CTDSPL2: variants seen among roughly 807,000 people sequenced by gnomAD.
The protein encoded by CTDSPL2 is CTD small phosphatase-like protein 2.
A neutral mutation model predicts 60.0 loss-of-function variants in CTDSPL2; 5 were observed. That is an observed-to-expected ratio of 0.08 (90% CI 0.04 to 0.18). The LOEUF is 0.18. Ranked by LOEUF, CTDSPL2 falls within the 10% of genes least tolerant of loss-of-function variation. The probability of loss-of-function intolerance (pLI) is 1.00; values close to 1 mark genes in which losing one functional copy is unlikely to be tolerated. For synonymous variants in CTDSPL2, 186 were observed against 189.3 expected (o/e 0.98, Z 0.14); for missense variants, 370 against 548.8 (o/e 0.67, Z 3.26).
At chr15:44,499,137 C>T (rs959218808) in intron 7 of CTDSPL2, among the ~76,000 whole-genome samples, 20 of 152,122 alleles carry the variant, frequency 1.3e-4, no homozygotes, top group African/African-American at 3.9e-4. Flanking sequence ...TTGCCAGGCA[C>T]GGTGGCTCAC....
intron 8 of CTDSPL2, among the ~76,000 whole-genome samples, chr15:44,510,284 C>T (rs1390808768): frequency 1.3e-5 from 2 of 152,154 alleles, no homozygotes; most frequent in African/African-American, 4.8e-5. Context: ...AGGCGTGAGC[C>T]ACCATGCCTG....
chr15:44,476,356 G>A (rs2080915984), intron 2 of CTDSPL2, among the ~76,000 whole-genome samples: 1 of 152,114 alleles, frequency 6.6e-6, no homozygotes, highest in East Asian at 1.9e-4. Flanking sequence ...GCGAGCCACT[G>A]CACCCGGCCA....
intron 12 of CTDSPL2, among the ~76,000 whole-genome samples, chr15:44,522,701 C>T (rs551710892): frequency 5.3e-5 from 8 of 152,066 alleles, no homozygotes; most frequent in African/African-American, 1.4e-4. Context: ...TGCAGTGAGC[C>T]GAGATTGCAC....
rs78190260 is a variant in CTDSPL2, at chr15:44,434,140, G to A, written c.-25+6368G>A. Among the ~76,000 whole-genome samples, 34 of 151,726 alleles carry A rather than the reference G, an allele frequency of 2.2e-4. No homozygotes were observed. In the South Asian group the frequency reaches 5.4e-3, roughly 24 times the overall value. Reference sequence around the variant, plus strand: ...GTCTTGACTGGGCGTGGTGGCTCACGCTTGTAATCCCAGCACTTTGGGAGG... The same window carrying A: ...GTCTTGACTGGGCGTGGTGGCTCACACTTGTAATCCCAGCACTTTGGGAGG... On this transcript the variant is annotated intron_variant, in intron 1 of 12. Transcript: ENST00000260327.
intron 2 of CTDSPL2, among the ~76,000 whole-genome samples, chr15:44,481,570 G>GTATTTT (rs1159130394): frequency 1.3e-5 from 2 of 152,046 alleles, no homozygotes; most frequent in African/African-American, 2.4e-5. Flanking sequence ...CCTTTCACCT[G>GTATTTT]TATTTTTATT....
intron 8 of CTDSPL2, among the ~76,000 whole-genome samples, chr15:44,508,150 A>G (rs2081503689): frequency 6.6e-6 from 1 of 151,194 alleles, no homozygotes; most frequent in South Asian, 2.1e-4. Context: ...TGACATGATC[A>G]CATCTCACTG....
intron 8 of CTDSPL2, chr15:44,503,942 T>C (rs1417236126): frequency 6.6e-6 from 1 of 152,212 alleles, no homozygotes; most frequent in Non-Finnish European, 1.5e-5. Flanking sequence ...ATGGGAAAAG[T>C]TGGGGGAAGA....
intron 2 of CTDSPL2, among the ~76,000 whole-genome samples, chr15:44,467,370 A>C (rs1741040803): frequency 6.6e-6 from 1 of 152,166 alleles, no homozygotes; most frequent in Non-Finnish European, 1.5e-5. Flanking sequence ...CAGTGGTGAG[A>C]ACAACACCCT....
At chr15:44,511,711 T>C (rs1385843262) in intron 8 of CTDSPL2, among the ~76,000 whole-genome samples, 1 of 151,268 alleles carries the variant, frequency 6.6e-6, no homozygotes, top group Non-Finnish European at 1.5e-5. Flanking sequence ...CTATTAAAAA[T>C]ACAAAAATGA....
rs68063380 is a variant in CTDSPL2 at position 44,511,867 on chromosome 15, CAAAA to C, written c.970-2709_970-2706del. ...TGGGCAGCAGAATGAGACGGTCTCGCAAAAAAAAAAAAAAAAAAAAAAAAAGAAA... is the reference window on the plus strand; with the variant it reads ...TGGGCAGCAGAATGAGACGGTCTCGCAAAAAAAAAAAAAAAAAAAAAGAAA... On this transcript the variant is annotated intron_variant, in intron 8 of 12. Transcript: ENST00000260327. Among the ~76,000 whole-genome samples the C allele has an allele frequency of 1.9e-3, 58 of 30,608 alleles. No individual in the cohort carries two copies. The South Asian group carries it at 0.074, about 39-fold the overall frequency. 20.1% of individuals were successfully genotyped at this position (30,608 alleles called of 152,430 possible).
At chr15:44,440,319 C>T (rs543759207) in intron 1 of CTDSPL2, among the ~76,000 whole-genome samples, 16 of 151,662 alleles carry the variant, frequency 1.1e-4, no homozygotes, top group African/African-American at 3.6e-4. Flanking sequence ...CCTCAGCCTC[C>T]GGAGTAGCTG....
chr15:44,511,507 T>A (rs2081564433), intron 8 of CTDSPL2, among the ~76,000 whole-genome samples: 1 of 152,172 alleles, frequency 6.6e-6, no homozygotes, highest in Non-Finnish European at 1.5e-5. Flanking sequence ...AAAGAGGCCC[T>A]GCTTATCTTA....
At chr15:44,485,748 C>G (rs1485162926) in intron 3 of CTDSPL2, among the ~76,000 whole-genome samples, 1 of 152,154 alleles carries the variant, frequency 6.6e-6, no homozygotes, top group African/African-American at 2.4e-5. Context: ...GCAGCAATTT[C>G]TCCCCTTGTC....
chr15:44,520,113 T>A (rs1470907278), intron 11 of CTDSPL2: 3 of 151,698 alleles, frequency 2.0e-5, no homozygotes, highest in Non-Finnish European at 4.4e-5. Context: ...ATTATGAATA[T>A]GTCCATGTGA....
intron 1 of CTDSPL2, among the ~76,000 whole-genome samples, chr15:44,435,866 CAA>C (rs2079970793): frequency 6.6e-6 from 1 of 152,064 alleles, no homozygotes; most frequent in Non-Finnish European, 1.5e-5. Flanking sequence ...CTCGGCCTCC[CAA>C]AGTGCTGGGA....
At chr15:44,512,711 A>AATT (rs1041773330) in intron 8 of CTDSPL2, among the ~76,000 whole-genome samples, 1 of 152,238 alleles carries the variant, frequency 6.6e-6, no homozygotes, top group African/African-American at 2.4e-5. Context: ...CCTCATCCTA[A>AATT]ACGATGGTGA....
rs969453097 is a variant in CTDSPL2, at chr15:44,526,323, T to C, written c.*2149T>C. Reference sequence around the variant, plus strand: ...ATTGCTGAAAGATTTCCTGATTTAGTGCATTCTCAAAAGGGCTTTCCCATA... The same window carrying C: ...ATTGCTGAAAGATTTCCTGATTTAGCGCATTCTCAAAAGGGCTTTCCCATA... On this transcript the variant is annotated 3_prime_UTR_variant, in exon 13 of 13. Coordinates refer to ENST00000260327, the MANE Select transcript of CTDSPL2 (RefSeq NM_016396.3). The C allele has an allele frequency of 1.3e-5, 2 of 152,158 alleles. No individual in the cohort carries two copies. Among genetic ancestry groups the C allele is most frequent in the African/African-American group, 4.8e-5 (2 of 41,464 alleles). 9.4% of individuals were successfully genotyped at this position (152,158 alleles called of 1,614,324 possible).
At chr15:44,448,271 G>A in intron 1 of CTDSPL2, 1 of 285,804 alleles carries the variant, frequency 3.5e-6, no homozygotes, top group Non-Finnish European at 7.1e-6. Context: ...TTGCCTGTGT[G>A]CTGGATGCTA....
In CTDSPL2 at chr15:44,500,233, A is replaced by T. The variant is rs552707208; in HGVS notation, c.969+420A>T. 2.6e-5 allele frequency among the ~76,000 whole-genome samples: 4 copies of T among 152,338 alleles called. No homozygotes were observed. In the East Asian group the frequency reaches 5.8e-4, roughly 22 times the overall value. Reference sequence around the variant, plus strand: ...CTATAGTAGTAATGTGGTCTGTGAAAATTACACTTTAGTACATCTCTTTTA... The same window carrying T: ...CTATAGTAGTAATGTGGTCTGTGAATATTACACTTTAGTACATCTCTTTTA... On this transcript the variant is annotated intron_variant, in intron 8 of 12. Coordinates refer to ENST00000260327, the MANE Select transcript of CTDSPL2 (RefSeq NM_016396.3).
Sources: gnomAD v4.1 joint callset for allele counts (sites outside exome capture counted in the v4.1 genomes callset) on GRCh38, gnomAD v4.1.1 for gene constraint, MANE v1.5 for transcripts, NCBI Gene and HGNC (gene_info 2026-07-23, HGNC 2026-07-21) for gene names.